The following MERTK variants were observed in gnomAD, a reference collection of about 807,000 sequenced individuals.
The protein encoded by MERTK is tyrosine-protein kinase Mer.
Under a neutral mutation model 99.3 loss-of-function variants are expected in MERTK, and 69 were observed. The observed-to-expected ratio is 0.70, with a 90% confidence interval of 0.57 to 0.85. The LOEUF is 0.85. Ranked by LOEUF, MERTK falls within the 40% of genes least tolerant of loss-of-function variation. The probability of loss-of-function intolerance (pLI) is 0.00; values close to 1 mark genes in which losing one functional copy is unlikely to be tolerated. For missense variants in MERTK, 1,125 were observed against 1,249.4 expected (o/e 0.90, Z 1.50); for synonymous variants, 426 against 467.6 (o/e 0.91, Z 1.15).
chr2:112,007,105 C>A (rs1676996050), intron 13 of MERTK, among the ~76,000 whole-genome samples: 1 of 152,198 alleles, frequency 6.6e-6, no homozygotes, highest in South Asian at 2.1e-4. Flanking sequence ...TATTAAGAAC[C>A]ATATTCATAA....
chr2:111,983,897 C>G (rs1676421411), intron 8 of MERTK, among the ~76,000 whole-genome samples: 1 of 152,338 alleles, frequency 6.6e-6, no homozygotes, highest in African/African-American at 2.4e-5. Context: ...CAGACTGCCT[C>G]TCCCAGAAAA....
rs759393115 is a variant in MERTK, at chr2:112,028,533, T to C, written c.2669T>C (p.Leu890Pro). Residue 890 changes from leucine (L) to proline (P), a missense_variant, in exon 19 of 19, where the codon CTT becomes CCT. By Grantham distance (98) the Leu-to-Pro change is moderately conservative. Coordinates refer to ENST00000295408, the MANE Select transcript of MERTK (RefSeq NM_006343.3). ...GAGGGCCTGGCCCAGGGCTCCACCC[T>C]TGCTCCACTGGACTTGAACATCGAC... The part of the protein sequence containing the change: ...SSEGLAQGST[L>P]APLDLNIDPD... 1 of 1,614,194 alleles carries C rather than the reference T, an allele frequency of 6.2e-7. No individual in the cohort carries two copies. Among genetic ancestry groups the C allele is most frequent in the South Asian group, 1.1e-5 (1 of 91,080 alleles).
chr2:111,927,383 T>C (rs1684587159), intron 1 of MERTK, among the ~76,000 whole-genome samples: 1 of 152,048 alleles, frequency 6.6e-6, no homozygotes, highest in South Asian at 2.1e-4. Flanking sequence ...AATTCCCAGA[T>C]CCCCTCCCTT....
intron 2 of MERTK, among the ~76,000 whole-genome samples, chr2:111,938,524 G>A (rs531649385): frequency 6.6e-6 from 1 of 152,216 alleles, no homozygotes; most frequent in Non-Finnish European, 1.5e-5. Flanking sequence ...TAAGGACTGA[G>A]GGTTAGAGAC....
intron 4 of MERTK, 32 bp downstream of exon 4, chr2:111,947,599 T>G: frequency 6.2e-7 from 1 of 1,612,354 alleles, no homozygotes; most frequent in Non-Finnish European, 8.5e-7. Context: ...ATTGATTTAT[T>G]CTCTAATAGC....
At chr2:111,955,863 T>G (rs1318740790) in intron 4 of MERTK, among the ~76,000 whole-genome samples, 5 of 151,190 alleles carry the variant, frequency 3.3e-5, no homozygotes, top group Non-Finnish European at 7.4e-5. Context: ...AATGGTGGAG[T>G]GCTTTATAAG....
intron 7 of MERTK, among the ~76,000 whole-genome samples, 182 bp downstream of exon 7, chr2:111,975,654 A>G (rs892573551): frequency 2.0e-5 from 3 of 152,238 alleles, no homozygotes; most frequent in African/African-American, 7.2e-5. Context: ...AAAAGCATTC[A>G]GTGACAAAAC....
At chr2:111,938,394 A>G (rs1262367519) in intron 2 of MERTK, among the ~76,000 whole-genome samples, 2 of 152,116 alleles carry the variant, frequency 1.3e-5, no homozygotes, top group African/African-American at 4.8e-5. Flanking sequence ...TGACTACTAC[A>G]ACTACCTCAT....
chr2:111,929,728 A>G (rs1017429696), intron 2 of MERTK, among the ~76,000 whole-genome samples, 188 bp downstream of exon 2: 15 of 150,392 alleles, frequency 1.0e-4, no homozygotes, highest in African/African-American at 3.4e-4. Flanking sequence ...CTGGGATTAC[A>G]GGCGCCCACC....
At chr2:111,904,653 A>T (rs1045967089) in intron 1 of MERTK, among the ~76,000 whole-genome samples, 4 of 152,144 alleles carry the variant, frequency 2.6e-5, no homozygotes, top group African/African-American at 9.7e-5. Flanking sequence ...GGATTACAGG[A>T]GTGAACCACC....
intron 1 of MERTK, among the ~76,000 whole-genome samples, chr2:111,915,804 A>G (rs1435867787): frequency 1.3e-5 from 2 of 152,166 alleles, no homozygotes; most frequent in African/African-American, 4.8e-5. Flanking sequence ...CTGAGGCAGG[A>G]GAATCACTTG....
At chr2:111,929,737 C>T (rs1684636512) in intron 2 of MERTK, among the ~76,000 whole-genome samples, 197 bp downstream of exon 2, 1 of 146,220 alleles carries the variant, frequency 6.8e-6, no homozygotes, top group Admixed American at 7.0e-5. Context: ...CAGGCGCCCA[C>T]CACCACACCC....
chr2:111,912,605 C>G (rs534588259), intron 1 of MERTK, among the ~76,000 whole-genome samples: 1 of 152,034 alleles, frequency 6.6e-6, no homozygotes, highest in Admixed American at 6.5e-5. Flanking sequence ...TCCTGCACAT[C>G]TTATAGGCAG....
chr2:111,953,980 G>C (rs1193449632), intron 4 of MERTK, among the ~76,000 whole-genome samples: 2 of 152,154 alleles, frequency 1.3e-5, no homozygotes, highest in African/African-American at 4.8e-5. Flanking sequence ...GACTGTTGCT[G>C]TCACCTCTTA....
intron 1 of MERTK, among the ~76,000 whole-genome samples, chr2:111,921,572 G>A (rs1218495528): frequency 6.6e-6 from 1 of 151,874 alleles, no homozygotes; most frequent in Non-Finnish European, 1.5e-5. Flanking sequence ...CTGTTTGATA[G>A]CAAATACCTT....
At chr2:111,984,230 C>T (rs1573619715) in intron 8 of MERTK, among the ~76,000 whole-genome samples, 1 of 152,072 alleles carries the variant, frequency 6.6e-6, no homozygotes, top group East Asian at 1.9e-4. Flanking sequence ...TCTTGTCAGG[C>T]CCTCCATGGA....
intron 1 of MERTK, among the ~76,000 whole-genome samples, chr2:111,905,401 C>G (rs1684118453): frequency 6.9e-6 from 1 of 145,766 alleles, no homozygotes; most frequent in African/African-American, 2.5e-5. Flanking sequence ...GTGATTATGT[C>G]TCAAACATTT....
At chr2:111,962,782 T>A (rs1435242121) in intron 4 of MERTK, among the ~76,000 whole-genome samples, 1 of 152,238 alleles carries the variant, frequency 6.6e-6, no homozygotes, top group African/African-American at 2.4e-5. Context: ...CTATGTCTTA[T>A]TAGGCTCCTC....
chr2:111,986,214 C>T (rs2104744068), intron 8 of MERTK, among the ~76,000 whole-genome samples: 1 of 152,208 alleles, frequency 6.6e-6, no homozygotes, highest in East Asian at 1.9e-4. Flanking sequence ...GCTTAAAAGT[C>T]ACAGCTGCGA....
Sources: allele counts gnomAD v4.1 joint callset (sites outside exome capture counted in the v4.1 genomes callset), GRCh38; gene constraint gnomAD v4.1.1; transcripts MANE v1.5; gene names NCBI Gene and HGNC (gene_info 2026-07-23, HGNC 2026-07-21).